The following SLC6A6 variants were observed in gnomAD, a reference collection of about 807,000 sequenced individuals.
SLC6A6 encodes the protein solute carrier family 6 member 6.
In SLC6A6, 16 loss-of-function variants were observed where a neutral mutation model predicts 68.8. The ratio of observed to expected loss-of-function variants is 0.23; its 90% confidence interval spans 0.16 to 0.35. SLC6A6 has a LOEUF of 0.35. Ranked by LOEUF, SLC6A6 falls within the 10% of genes least tolerant of loss-of-function variation. The pLI, the probability that SLC6A6 is intolerant of heterozygous loss-of-function variation, is 1.00. For synonymous variants in SLC6A6, 312 were observed against 315.4 expected (o/e 0.99, Z 0.12); for missense variants, 474 against 802.8 (o/e 0.59, Z 4.95).
chr3:14,471,144 T>A (rs1019312397), intron 9 of SLC6A6, among the ~76,000 whole-genome samples: 5 of 150,704 alleles, frequency 3.3e-5, no homozygotes, highest in African/African-American at 9.7e-5. Flanking sequence ...TTTTTTTTTT[T>A]TTTTTTTTAG....
At chr3:14,444,523 G>C (rs1363299292) in intron 3 of SLC6A6, among the ~76,000 whole-genome samples, 1 of 152,192 alleles carries the variant, frequency 6.6e-6, no homozygotes, top group Non-Finnish European at 1.5e-5. Flanking sequence ...TTACGGGGTT[G>C]TGTTGAGGTC....
At chr3:14,437,622 C>T (rs531044872) in intron 2 of SLC6A6, among the ~76,000 whole-genome samples, 7 of 152,026 alleles carry the variant, frequency 4.6e-5, no homozygotes, top group East Asian at 1.9e-4. Flanking sequence ...GTAGTGAGAA[C>T]GCTTAAAATC....
intron 1 of SLC6A6, among the ~76,000 whole-genome samples, chr3:14,407,522 T>C (rs1328103693): frequency 6.6e-6 from 1 of 151,682 alleles, no homozygotes; most frequent in Admixed American, 6.6e-5. Flanking sequence ...TTTTTTTTTT[T>C]TTTGAGACAG....
At chr3:14,409,297 G>A (rs1699182776) in intron 1 of SLC6A6, among the ~76,000 whole-genome samples, 1 of 152,224 alleles carries the variant, frequency 6.6e-6, no homozygotes, top group Admixed American at 6.5e-5. Flanking sequence ...AGTGCTGCCA[G>A]CTCAGTAAAT....
intron 13 of SLC6A6, among the ~76,000 whole-genome samples, chr3:14,479,944 G>C (rs953631395): frequency 6.6e-6 from 1 of 152,214 alleles, no homozygotes; most frequent in Admixed American, 6.5e-5. Context: ...ACTATGGGGA[G>C]CACAAATGGC....
At position 14,471,016 on chromosome 3, in the gene SLC6A6, A is replaced by G. The variant is rs556321408; in HGVS notation, c.1097-1189A>G. Among the ~76,000 whole-genome samples, 16 of 151,510 alleles carry G rather than the reference A, an allele frequency of 1.1e-4. No individual in the cohort carries two copies. The South Asian group carries it at 1.5e-3, about 14-fold the overall frequency. On this transcript the variant is annotated intron_variant, in intron 9 of 14. Transcript: ENST00000622186. ...CCGTATAATGTGGTTTCTGGTTCCA[A>G]TTTATTGTAAAGTTGGGTTTTGCTT... is the stretch of plus-strand genomic sequence containing the variant.
chr3:14,444,675 A>G (rs1700070709), intron 3 of SLC6A6: 11 of 454,764 alleles, frequency 2.4e-5, no homozygotes, highest in South Asian at 1.7e-4. Flanking sequence ...TGTGCTGCCC[A>G]CATTAGTAGA....
intron 6 of SLC6A6, among the ~76,000 whole-genome samples, chr3:14,461,595 G>A (rs144652682): frequency 6.6e-6 from 1 of 152,232 alleles, no homozygotes; most frequent in African/African-American, 2.4e-5. Context: ...TGAGGCTGGG[G>A]CTCTTCGCTG....
chr3:14,403,077 A>AGTGTGTGTGTGTGTGT (rs34547966), intron 1 of SLC6A6, among the ~76,000 whole-genome samples: 1 of 143,324 alleles, frequency 7.0e-6, no homozygotes. Context: ...GCGGCAGGAG[A>AGTGTGTGTGTGTGTGT]GTGTGTGTGT....
chr3:14,479,001 G>A, intron 12 of SLC6A6, 84 bp from the exon 13 acceptor site: 1 of 828,686 alleles, frequency 1.2e-6, no homozygotes, highest in Non-Finnish European at 2.1e-6. Context: ...CCTGGATCAG[G>A]TCCCAGAGAC....
At position 14,477,994 on chromosome 3, in the gene SLC6A6, G is replaced by GCC. The variant is rs3214656; in HGVS notation, c.1348-464_1348-463dup. The stretch of plus-strand genomic sequence containing the variant: ...AGCCAGGGCACGCTCTCTCCTGCAT[G>GCC]CCCCCCCCCACCACCTCCCCTGTTC... On this transcript the variant is annotated intron_variant, in intron 11 of 14. Transcript: ENST00000622186. This position sits in a 1 kb window ranked among gnomAD's most constrained non-coding sequence, Gnocchi z 4.2. Among the ~76,000 whole-genome samples the GCC allele has an allele frequency of 4.0e-5, 6 of 151,014 alleles. No individual in the cohort carries two copies. The highest frequency in any genetic ancestry group is 1.9e-4 in the East Asian group (1 of 5,130).
rs1245595018 is a variant in SLC6A6, at chr3:14,485,014, T to C, written c.*7T>C. On this transcript the variant is annotated 3_prime_UTR_variant, in exon 15 of 15. Transcript: ENST00000622186. ...TGTGGAGACCATGATGTGAGCTCTC[T>C]CGGGTCGACGGGGCCGGCGGCTTTC... 1 of 1,600,496 alleles carries C rather than the reference T, an allele frequency of 6.2e-7. No individual in the cohort carries two copies. Among genetic ancestry groups the C allele is most frequent in the Non-Finnish European group, 8.5e-7 (1 of 1,169,646 alleles).
chr3:14,420,488 G>GTTT (rs1699461079), intron 2 of SLC6A6, among the ~76,000 whole-genome samples: 1 of 132,876 alleles, frequency 7.5e-6, no homozygotes, highest in Non-Finnish European at 1.5e-5. Context: ...AAACCACTCT[G>GTTT]CTTTTTTTTT....
rs150611737 is a variant in SLC6A6, at chr3:14,473,015, C to T, written c.1209+698C>T. On this transcript the variant is annotated intron_variant, in intron 10 of 14. Transcript: ENST00000622186. ...GGTTCTTTCCTGCACTTCTAAACCC[C>T]GTATCCCACCCCTTCAGGGCTCAGG... is the stretch of plus-strand genomic sequence containing the variant. Among the ~76,000 whole-genome samples, 440 of 152,334 alleles carry T rather than the reference C, an allele frequency of 2.9e-3. 11 individuals carry two copies. In the South Asian group the frequency reaches 0.058, roughly 20 times the overall value.
rs1195458309 is a variant in SLC6A6, at chr3:14,435,944, C to T, written c.-11-7680C>T. Among the ~76,000 whole-genome samples, 3 of 152,332 alleles carry T rather than the reference C, an allele frequency of 2.0e-5. No individual in the cohort carries two copies. In the East Asian group the frequency reaches 5.8e-4, roughly 29 times the overall value. On this transcript the variant is annotated intron_variant, in intron 2 of 14. Transcript: ENST00000622186. ...CCTGGTTCCCACTCTTCCCTGCGAC[C>T]TCCCCACCCCAGTGGACTCCTGTCC...
chr3:14,481,918 T>C lies in SLC6A6; in HGVS notation c.1722+77T>C. The C allele has an allele frequency of 1.5e-6, 2 of 1,302,388 alleles. No individual in the cohort carries two copies. The highest frequency in any genetic ancestry group is 2.2e-6 in the Non-Finnish European group (2 of 924,402). The allele number at this position is 1,302,388 out of a possible 1,614,324, so 80.7% of individuals were successfully genotyped here. A position where few individuals can be genotyped will look rare whatever the true frequency, so the allele number is the denominator to read the frequency against. On this transcript the variant is annotated intron_variant, in intron 14 of 14. Coordinates refer to ENST00000622186, the MANE Select transcript of SLC6A6 (RefSeq NM_003043.6). The surrounding 1 kb of genome is among the most constrained non-coding windows in gnomAD (Gnocchi z 4.7). ...TGATTGTTGTCAGTTTGCTGCGTGA[T>C]CTCAGGCAAGTCACCTGCCCTCTCT...
chr3:14,447,129 A>G (rs374887319), intron 4 of SLC6A6, among the ~76,000 whole-genome samples: 12 of 152,232 alleles, frequency 7.9e-5, no homozygotes, highest in South Asian at 2.1e-4. Context: ...ACATTCTTCA[A>G]TTTAGCTGTT....
intron 6 of SLC6A6, among the ~76,000 whole-genome samples, chr3:14,464,648 G>A (rs1343697342): frequency 6.6e-6 from 1 of 152,196 alleles, no homozygotes; most frequent in Non-Finnish European, 1.5e-5. Context: ...CGTGGTGCCA[G>A]CTAGGTGAGG....
intron 1 of SLC6A6, among the ~76,000 whole-genome samples, chr3:14,413,695 G>A (rs1699302318): frequency 6.6e-6 from 1 of 152,038 alleles, no homozygotes; most frequent in Non-Finnish European, 1.5e-5. Context: ...CTGGCTGTGT[G>A]CCTGGGGCCG....
Sources: gnomAD v4.1 joint callset for allele counts (sites outside exome capture counted in the v4.1 genomes callset) on GRCh38, gnomAD v4.1.1 for gene constraint, Gnocchi (gnomAD v3.1) non-coding constraint, MANE v1.5 for transcripts, NCBI Gene and HGNC (gene_info 2026-07-23, HGNC 2026-07-21) for gene names.